The following PLAAT1 variants were observed in gnomAD, a reference collection of about 807,000 sequenced individuals.
The protein encoded by PLAAT1 is H-REV107 protein-related protein.
Under a neutral mutation model 16.4 loss-of-function variants are expected in PLAAT1, and 13 were observed. The observed-to-expected ratio is 0.79, with a 90% confidence interval of 0.52 to 1.26. PLAAT1 has a LOEUF of 1.26. Ranked by LOEUF, PLAAT1 falls within the 50% of genes most tolerant of loss-of-function variation. The pLI is 0.00. For missense variants in PLAAT1, 218 were observed against 207.8 expected, an observed-to-expected ratio of 1.05 and a Z score of -0.30; for synonymous variants, 73 against 78.4, an observed-to-expected ratio of 0.93 and a Z score of 0.36.
downstream of PLAAT1, among the ~76,000 whole-genome samples, chr3:193,280,906 C>A (rs983315585): frequency 1.3e-4 from 20 of 152,094 alleles, no homozygotes; most frequent in African/African-American, 4.6e-4. Context: ...TCTCTACAGG[C>A]CTATACCAAC....
In PLAAT1 at chr3:193,269,027, C is replaced by G. The variant is rs149319604; in HGVS notation, c.406-1577C>G. On this transcript the variant is annotated intron_variant, in intron 3 of 3. Transcript: ENST00000264735. The stretch of plus-strand genomic sequence containing the variant: ...TCTATTAGACCTTCTTGGGATCTCA[C>G]TATCTGCTGGAATTGTACTAGGGTT... 3.9e-3 allele frequency among the ~76,000 whole-genome samples: 587 copies of G among 151,984 alleles called. 5 individuals carry two copies. The highest frequency in any genetic ancestry group is 0.013 in the African/African-American group (549 of 41,442).
At chr3:193,279,761 G>A (rs1268187631), downstream of PLAAT1, among the ~76,000 whole-genome samples, 1 of 152,004 alleles carries the variant, frequency 6.6e-6, no homozygotes, top group Non-Finnish European at 1.5e-5. Flanking sequence ...GGGATAAACA[G>A]TCAGTGTTCT....
At chr3:193,260,010 A>G (rs1716524733) in intron 2 of PLAAT1, among the ~76,000 whole-genome samples, 1 of 152,210 alleles carries the variant, frequency 6.6e-6, no homozygotes, top group Non-Finnish European at 1.5e-5. Context: ...AAACAGACAC[A>G]CAGACCAAGG....
chr3:193,277,779 C>A (rs2108812918), downstream of PLAAT1: 1 of 152,336 alleles, frequency 6.6e-6, no homozygotes, highest in South Asian at 2.1e-4. Context: ...CAATCCAGAA[C>A]TAACTCTTCT....
intron 2 of PLAAT1, among the ~76,000 whole-genome samples, chr3:193,256,624 A>G (rs1368687603): frequency 2.6e-5 from 4 of 152,228 alleles, no homozygotes; most frequent in Admixed American, 6.5e-5. Context: ...AGCAAAGGTT[A>G]AGTGATAACG....
At chr3:193,248,151 A>C (rs1160280767) in intron 1 of PLAAT1, among the ~76,000 whole-genome samples, 2 of 152,184 alleles carry the variant, frequency 1.3e-5, no homozygotes, top group African/African-American at 4.8e-5. Flanking sequence ...TCATCATTAT[A>C]TAATAACTTT....
chr3:193,250,805 C>G (rs913849604), intron 1 of PLAAT1, among the ~76,000 whole-genome samples: 1 of 152,144 alleles, frequency 6.6e-6, no homozygotes, highest in African/African-American at 2.4e-5. Flanking sequence ...CTTTCCCTTT[C>G]AGACATGAAG....
At chr3:193,242,724 A>G (rs1715819928) in intron 1 of PLAAT1, among the ~76,000 whole-genome samples, 1 of 152,136 alleles carries the variant, frequency 6.6e-6, no homozygotes, top group African/African-American at 2.4e-5. Context: ...GTGTTGGACC[A>G]AGGATCTTTG....
downstream of PLAAT1, chr3:193,274,795 G>A (rs1717107972): frequency 6.1e-5 from 34 of 553,962 alleles, 1 homozygote; most frequent in South Asian, 8.7e-4. Flanking sequence ...ATAATGCTAT[G>A]CAAAATGAAT....
intron 1 of PLAAT1, among the ~76,000 whole-genome samples, chr3:193,246,641 C>T (rs1284957022): frequency 1.3e-5 from 2 of 152,144 alleles, no homozygotes; most frequent in African/African-American, 4.8e-5. Context: ...GGATTACAAG[C>T]ATGAGCCACA....
At chr3:193,265,050 C>A (rs1716731319) in intron 3 of PLAAT1, among the ~76,000 whole-genome samples, 1 of 152,164 alleles carries the variant, frequency 6.6e-6, no homozygotes, top group African/African-American at 2.4e-5. Context: ...TCTTGCCCTT[C>A]TGGTAGGCAT....
At chr3:193,276,056 A>G (rs1215914974) in intron 2 of PLAAT1, among the ~76,000 whole-genome samples, 1 of 152,168 alleles carries the variant, frequency 6.6e-6, no homozygotes, top group East Asian at 1.9e-4. Flanking sequence ...TCATACATGT[A>G]GTATTTTTCT....
intron 2 of PLAAT1, among the ~76,000 whole-genome samples, chr3:193,260,697 CAG>C (rs1020406370): frequency 4.7e-5 from 7 of 150,090 alleles, no homozygotes; most frequent in African/African-American, 1.2e-4. Context: ...AAAAAAAAAA[CAG>C]ATGCTGGTGA....
chr3:193,258,766 A>T (rs143037638), intron 2 of PLAAT1, among the ~76,000 whole-genome samples: 2 of 152,220 alleles, frequency 1.3e-5, no homozygotes, highest in East Asian at 1.9e-4. Flanking sequence ...ATAATAATAA[A>T]AAAACTACCA....
downstream of PLAAT1, among the ~76,000 whole-genome samples, chr3:193,281,002 A>C (rs1189779392): frequency 1.3e-5 from 2 of 152,184 alleles, no homozygotes; most frequent in African/African-American, 2.4e-5. Context: ...GCACCTACAC[A>C]CACCCTCAAT....
intron 1 of PLAAT1, among the ~76,000 whole-genome samples, chr3:193,249,841 T>C (rs930412984): frequency 6.6e-6 from 1 of 152,058 alleles, no homozygotes; most frequent in Non-Finnish European, 1.5e-5. Context: ...ATGGTTTGTT[T>C]GGTACTTTTT....
At chr3:193,274,317 T>C, downstream of PLAAT1, among the ~76,000 whole-genome samples, 1 of 152,184 alleles carries the variant, frequency 6.6e-6, no homozygotes, top group East Asian at 1.9e-4. Flanking sequence ...TAAAAGTATC[T>C]TTTTACAGTT....
intron 2 of PLAAT1, among the ~76,000 whole-genome samples, chr3:193,277,333 A>G (rs1348481374): frequency 6.6e-6 from 1 of 152,200 alleles, no homozygotes. Context: ...AAGTTGAATG[A>G]ACCCTCCAAA....
chr3:193,272,107 G>A (rs1030299654), downstream of PLAAT1, among the ~76,000 whole-genome samples: 1 of 152,068 alleles, frequency 6.6e-6, no homozygotes, highest in Non-Finnish European at 1.5e-5. Context: ...CTAAATTCAA[G>A]TCTCTGTTCC....
Sources: gnomAD v4.1 joint callset for allele counts (sites outside exome capture counted in the v4.1 genomes callset) on GRCh38, gnomAD v4.1.1 for gene constraint, MANE v1.5 for transcripts, NCBI Gene and HGNC (gene_info 2026-07-23, HGNC 2026-07-21) for gene names.